Variants in TMEM74 observed in about 807,000 individuals in gnomAD.
TMEM74 encodes transmembrane protein 74.
In TMEM74, 13 loss-of-function variants were observed where a neutral mutation model predicts 18.1. The ratio of observed to expected loss-of-function variants is 0.72; its 90% CI spans 0.47 to 1.14. The LOEUF is 1.14. TMEM74 is among the 50% of genes most tolerant of loss of function. TMEM74 has a pLI of 0.00. For missense variants in TMEM74, 372 were observed against 375.9 expected, an observed-to-expected ratio of 0.99 and a Z score of 0.09; for synonymous variants, 159 against 146.6, an observed-to-expected ratio of 1.08 and a Z score of -0.61.
At position 108,634,005 on chromosome 8, in the gene TMEM74, T is replaced by C. The variant is rs527349181; in HGVS notation, n.264+21288A>G. ...AGTATCTTTCTCTAAAGGAAGTGAA[T>C]ACAAGCCAAAGAGAGAAAAGCAATT... On this transcript the variant is annotated intron_variant and non_coding_transcript_variant, in intron 2 of 3. Transcript: ENST00000518838. 5.4e-4 allele frequency among the ~76,000 whole-genome samples: 82 copies of C among 152,086 alleles called. No homozygotes were observed. The South Asian group carries it at 0.016, about 30-fold the overall frequency.
At chr8:108,727,801 C>T (rs1011387954) in intron 1 of TMEM74, among the ~76,000 whole-genome samples, 5 of 152,068 alleles carry the variant, frequency 3.3e-5, no homozygotes, top group African/African-American at 1.2e-4. Context: ...CTTGGAGCCT[C>T]CAACATCAAA....
At chr8:108,611,767 T>C (rs1234196846) in intron 2 of TMEM74, among the ~76,000 whole-genome samples, 1 of 152,242 alleles carries the variant, frequency 6.6e-6, no homozygotes, top group Non-Finnish European at 1.5e-5. Flanking sequence ...CACCAGAAGG[T>C]ATATCTTCAA....
intron 1 of TMEM74, among the ~76,000 whole-genome samples, chr8:108,707,141 C>CA (rs1474218989): frequency 7.1e-6 from 1 of 140,940 alleles, no homozygotes; most frequent in East Asian, 2.1e-4. Context: ...ACAATGAGAA[C>CA]ACTTGGACAC....
chr8:108,699,071 T>G (rs900489381), intron 1 of TMEM74, among the ~76,000 whole-genome samples: 6 of 151,918 alleles, frequency 3.9e-5, no homozygotes, highest in African/African-American at 1.4e-4. Context: ...GGCATTGCCC[T>G]TCTTTCTGGG....
At chr8:108,699,386 ACT>A (rs979774147) in intron 1 of TMEM74, among the ~76,000 whole-genome samples, 7 of 151,826 alleles carry the variant, frequency 4.6e-5, no homozygotes, top group African/African-American at 1.7e-4. Flanking sequence ...GTGTGGTCCT[ACT>A]CTCGACCATG....
At chr8:108,664,946 T>C (rs1812934438) in intron 1 of TMEM74, among the ~76,000 whole-genome samples, 1 of 152,164 alleles carries the variant, frequency 6.6e-6, no homozygotes, top group Non-Finnish European at 1.5e-5. Flanking sequence ...ACAGTCTGCA[T>C]ACTTAAGCTG....
intron 1 of TMEM74, among the ~76,000 whole-genome samples, chr8:108,672,884 A>T (rs980432335): frequency 2.0e-5 from 3 of 152,210 alleles, no homozygotes; most frequent in African/African-American, 7.2e-5. Context: ...AATGAGCAGG[A>T]TGGGAATGGG....
chr8:108,613,029 G>T (rs1432569617), intron 2 of TMEM74, among the ~76,000 whole-genome samples: 1 of 151,992 alleles, frequency 6.6e-6, no homozygotes, highest in African/African-American at 2.4e-5. Context: ...TAAAAATAAA[G>T]AATTCAAAGA....
chr8:108,677,512 G>C (rs1328566730), intron 1 of TMEM74, among the ~76,000 whole-genome samples: 1 of 151,176 alleles, frequency 6.6e-6, no homozygotes, highest in Non-Finnish European at 1.5e-5. Flanking sequence ...ATTTGGGGCT[G>C]AAGTCAGTTT....
At chr8:108,616,555 T>C (rs1338691651) in intron 2 of TMEM74, among the ~76,000 whole-genome samples, 1 of 152,170 alleles carries the variant, frequency 6.6e-6, no homozygotes, top group African/African-American at 2.4e-5. Context: ...AAGAATTATT[T>C]TATTATTTGA....
At chr8:108,615,819 C>CTTTTTTTTTTTTTTT (rs71564011) in intron 2 of TMEM74, among the ~76,000 whole-genome samples, 2 of 76,420 alleles carry the variant, frequency 2.6e-5, no homozygotes, top group Non-Finnish European at 4.8e-5. Flanking sequence ...TGCATGGGAG[C>CTTTTTTTTTTTTTTT]TTTTTTTTTT....
chr8:108,730,634 C>CTTTTTTTTTTTTTTTTT (rs1199122765), intron 1 of TMEM74, among the ~76,000 whole-genome samples: 6 of 132,182 alleles, frequency 4.5e-5, no homozygotes, highest in African/African-American at 1.8e-4. Context: ...TGCAGACTTC[C>CTTTTTTTTTTTTTTTTT]TTTTTTTTTT....
chr8:108,739,684 G>T (rs571925516), intron 1 of TMEM74, among the ~76,000 whole-genome samples: 1 of 152,206 alleles, frequency 6.6e-6, no homozygotes, highest in African/African-American at 2.4e-5. Context: ...AGATGAATAA[G>T]GCTGAAGTTT....
chr8:108,780,638 A>G lies in TMEM74; in HGVS notation c.*3543T>C, dbSNP rs1814293756. ...AAAACAAATAAGTATGAGGGGGATG[A>G]ACTCATATTTTAAGCAGACAGCAAA... is the stretch of plus-strand genomic sequence containing the variant. On this transcript the variant is annotated 3_prime_UTR_variant, in exon 2 of 2. Coordinates refer to ENST00000297459, the MANE Select transcript of TMEM74 (RefSeq NM_153015.3). 6.6e-6 allele frequency among the ~76,000 whole-genome samples: 1 copy of G among 152,158 alleles called. No individual in the cohort carries two copies. The highest frequency in any genetic ancestry group is 1.5e-5 in the Non-Finnish European group (1 of 68,022).
chr8:108,702,125 A>C (rs1022092454), intron 1 of TMEM74, among the ~76,000 whole-genome samples: 14 of 151,934 alleles, frequency 9.2e-5, no homozygotes, highest in Non-Finnish European at 1.0e-4. Context: ...TGGGCGGATC[A>C]TGAGGTCAGG....
chr8:108,647,556 A>G (rs1483677341), intron 2 of TMEM74, among the ~76,000 whole-genome samples: 3 of 152,146 alleles, frequency 2.0e-5, no homozygotes, highest in African/African-American at 7.2e-5. Context: ...AAGATTCACT[A>G]AGTAAAGAAA....
chr8:108,700,789 A>G (rs1361699994), intron 1 of TMEM74, among the ~76,000 whole-genome samples: 2 of 152,188 alleles, frequency 1.3e-5, no homozygotes, highest in Admixed American at 1.3e-4. Flanking sequence ...TCAGGAGGGT[A>G]AATGACTGGC....
intron 1 of TMEM74, among the ~76,000 whole-genome samples, chr8:108,729,333 CTT>C (rs1315528021): frequency 6.6e-6 from 1 of 152,204 alleles, no homozygotes; most frequent in Non-Finnish European, 1.5e-5. Context: ...TCAAGTCCCT[CTT>C]ATACTTTGAA....
At chr8:108,730,971 C>T (rs1284974169) in intron 1 of TMEM74, among the ~76,000 whole-genome samples, 2 of 152,168 alleles carry the variant, frequency 1.3e-5, no homozygotes, top group Non-Finnish European at 1.5e-5. Context: ...CCAGCATAAA[C>T]ATGCTTGGTG....
Sources: allele counts gnomAD v4.1 joint callset (sites outside exome capture counted in the v4.1 genomes callset), GRCh38; gene constraint gnomAD v4.1.1; transcripts MANE v1.5; gene names NCBI Gene and HGNC (gene_info 2026-07-23, HGNC 2026-07-21).